The following KYAT1 variants were observed in gnomAD, a reference collection of about 807,000 sequenced individuals.
KYAT1 encodes kynurenine--oxoglutarate transaminase 1.
A neutral mutation model predicts 52.4 loss-of-function variants in KYAT1; 47 were observed. That is an observed-to-expected ratio of 0.90 (90% CI 0.71 to 1.14). The LOEUF is 1.14. KYAT1 is among the 50% of genes most tolerant of loss of function. The probability of loss-of-function intolerance (pLI) is 0.00; values close to 1 mark genes in which losing one functional copy is unlikely to be tolerated. For synonymous variants in KYAT1, 212 were observed against 209.6 expected (o/e 1.01, Z -0.10); for missense variants, 480 against 557.9 (o/e 0.86, Z 1.41).
In KYAT1 at chr9:128,872,775, A is replaced by T. The variant is rs565604623; in HGVS notation, c.-7+9122T>A. On this transcript the variant is annotated intron_variant, in intron 1 of 12. Coordinates refer to ENST00000302586, the MANE Select transcript of KYAT1 (RefSeq NM_004059.5). ...AGAGCGAGACTCCGTCTCAAAAGAAAAAAAAAGACCATGTTGGCCAGACGT... is the reference window on the plus strand; with the variant it reads ...AGAGCGAGACTCCGTCTCAAAAGAATAAAAAAGACCATGTTGGCCAGACGT... Among the ~76,000 whole-genome samples, 7 of 149,958 alleles carry T rather than the reference A, an allele frequency of 4.7e-5. No homozygotes were observed. The South Asian group carries it at 1.5e-3, about 32-fold the overall frequency.
At position 128,846,836 on chromosome 9, in the gene KYAT1, T is replaced by C. The variant is rs1482362361; in HGVS notation, c.-6-1425A>G. ...GGCTGGTGGGCCGTGGAGCTGGGGA[T>C]CCAACATTCTTCTCAGCCACCTGCT... On this transcript the variant is annotated intron_variant, in intron 1 of 12. Coordinates refer to ENST00000302586, the MANE Select transcript of KYAT1 (RefSeq NM_004059.5). The C allele has an allele frequency of 5.2e-6, 8 of 1,535,276 alleles. No homozygotes were observed. In the African/African-American group the frequency reaches 9.6e-5, roughly 18 times the overall value.
intron 1 of KYAT1, among the ~76,000 whole-genome samples, chr9:128,864,323 G>A (rs988790313): frequency 1.5e-5 from 2 of 130,956 alleles, no homozygotes; most frequent in African/African-American, 2.8e-5. Context: ...CCGAGATTGC[G>A]CCATTGCACT....
chr9:128,869,109 G>A (rs981487152), intron 1 of KYAT1, among the ~76,000 whole-genome samples: 1 of 152,038 alleles, frequency 6.6e-6, no homozygotes, highest in African/African-American at 2.4e-5. Flanking sequence ...CAAAGTGCTG[G>A]GATTACAGGT....
At chr9:128,867,695 G>T (rs978337858) in intron 1 of KYAT1, among the ~76,000 whole-genome samples, 7 of 152,220 alleles carry the variant, frequency 4.6e-5, no homozygotes, top group African/African-American at 1.7e-4. Context: ...GAATAAGATT[G>T]CTTTTAGCAG....
At chr9:128,874,198 G>A (rs1430806706) in intron 1 of KYAT1, among the ~76,000 whole-genome samples, 1 of 151,534 alleles carries the variant, frequency 6.6e-6, no homozygotes, top group African/African-American at 2.4e-5. Context: ...AGAGGTTGCA[G>A]TGAGCCGAGA....
In KYAT1 at chr9:128,838,315, C is replaced by G. The variant is rs1564453115; in HGVS notation, c.254G>C (p.Gly85Ala). The G allele has an allele frequency of 6.2e-7, 1 of 1,614,058 alleles. No homozygotes were observed. The highest frequency in any genetic ancestry group is 1.1e-5 in the South Asian group (1 of 91,086). Reference protein sequence around the residue: ...ILASFFGELLGQEIDPLRNVL... With the variant: ...ILASFFGELLAQEIDPLRNVL... ...ATTCCTGAGCGGGTCTATCTCCTGA[C>G]CCAGCAGCTCCCCAAAGAAACTTGC... The change falls in exon 4 of 13, where the codon GGT becomes GCT. Residue 85 changes from glycine (G) to alanine (A), a missense_variant. Coordinates refer to ENST00000302586, the MANE Select transcript of KYAT1 (RefSeq NM_004059.5).
intron 1 of KYAT1, among the ~76,000 whole-genome samples, chr9:128,859,777 T>C (rs1248953575): frequency 6.6e-6 from 1 of 151,888 alleles, no homozygotes; most frequent in East Asian, 2.0e-4. Context: ...GCCTCCTAAG[T>C]AGCTGGGACT....
chr9:128,844,545 C>T (rs1379913473), intron 2 of KYAT1, among the ~76,000 whole-genome samples: 2 of 151,502 alleles, frequency 1.3e-5, no homozygotes, highest in East Asian at 1.9e-4. Context: ...AAAAAATTAG[C>T]TGGGCGTGGT....
At chr9:128,871,221 A>G (rs7857519) in intron 1 of KYAT1, among the ~76,000 whole-genome samples, 95,384 of 151,860 alleles carry the variant, frequency 0.63, 31,770 homozygotes, top group Admixed American at 0.75. Flanking sequence ...GGGAAGCTGA[A>G]GTGGGAGGAT....
intron 1 of KYAT1, among the ~76,000 whole-genome samples, chr9:128,876,621 A>G (rs1336391472): frequency 5.4e-5 from 8 of 148,006 alleles, no homozygotes; most frequent in East Asian, 4.0e-4. Flanking sequence ...GGGTTTCACC[A>G]TGTTAGCCAG....
At chr9:128,880,384 C>A (rs926341959) in intron 1 of KYAT1, among the ~76,000 whole-genome samples, 8 of 152,044 alleles carry the variant, frequency 5.3e-5, no homozygotes, top group Admixed American at 6.6e-5. Context: ...TAAGCTAGAT[C>A]ATGGGCATTA....
chr9:128,861,992 G>A (rs564064334), intron 1 of KYAT1, among the ~76,000 whole-genome samples: 19 of 152,266 alleles, frequency 1.2e-4, no homozygotes, highest in Middle Eastern at 3.4e-3. Flanking sequence ...TCACCCTACC[G>A]GGACCCACTC....
intron 1 of KYAT1, among the ~76,000 whole-genome samples, chr9:128,870,861 T>C (rs1837124259): frequency 6.6e-6 from 1 of 152,034 alleles, no homozygotes; most frequent in Admixed American, 6.6e-5. Context: ...TGACATAATG[T>C]TTGTACAACA....
At position 128,859,793 on chromosome 9, in the gene KYAT1, T is replaced by G. The variant is rs1472254854; in HGVS notation, c.-6-14382A>C. On this transcript the variant is annotated intron_variant, in intron 1 of 12. Coordinates refer to ENST00000302586, the MANE Select transcript of KYAT1 (RefSeq NM_004059.5). ...CCTCCTAAGTAGCTGGGACTACAGG[T>G]GCCCGCCATCACACCCAGCTAATTT... Among the ~76,000 whole-genome samples, 4 of 151,642 alleles carry G rather than the reference T, an allele frequency of 2.6e-5. No homozygotes were observed. The East Asian group carries it at 7.9e-4, about 30-fold the overall frequency.
intron 1 of KYAT1, among the ~76,000 whole-genome samples, chr9:128,853,576 C>T (rs200535010): frequency 7.2e-5 from 11 of 152,112 alleles, no homozygotes; most frequent in Non-Finnish European, 1.3e-4. Flanking sequence ...CTGTTTAATT[C>T]GTTACAACAA....
At chr9:128,864,397 TA>T (rs1564490307) in intron 1 of KYAT1, among the ~76,000 whole-genome samples, 2 of 151,604 alleles carry the variant, frequency 1.3e-5, no homozygotes, top group Admixed American at 6.6e-5. Context: ...GTTTTTCATT[TA>T]AAAAATTTTG....
Position 128,835,527 on chromosome 9 carries a change from G to A in KYAT1, c.996C>T (p.Ile332=). The A allele has an allele frequency of 1.9e-6, 3 of 1,613,804 alleles. No homozygotes were observed. In the South Asian group the frequency reaches 3.3e-5, roughly 18 times the overall value. ...RSLQSVGLKP[I]IPQGSYFLIT... is the part of the protein sequence containing the mutation. ...TGAGGAAGTAGCTGCCCTGAGGGAT[G>A]ATGGGCTTCAGGCCCACTGACTGTA... The change falls in exon 10 of 13, where the codon ATC becomes ATT. Residue 332 remains isoleucine, a synonymous_variant. Coordinates refer to ENST00000302586, the MANE Select transcript of KYAT1 (RefSeq NM_004059.5).
chr9:128,860,001 T>A (rs1482402295), intron 1 of KYAT1: 1 of 152,112 alleles, frequency 6.6e-6, no homozygotes, highest in Non-Finnish European at 1.5e-5. Context: ...GAGGTGCCAG[T>A]AGCGTGGCTC....
rs112688910 is a variant in KYAT1, at chr9:128,865,592, C to T, written c.-7+16305G>A. Among the ~76,000 whole-genome samples, 349 of 151,358 alleles carry T rather than the reference C, an allele frequency of 2.3e-3. 1 individual carries two copies. The highest frequency in any genetic ancestry group is 8.3e-3 in the African/African-American group (342 of 41,050). On this transcript the variant is annotated intron_variant, in intron 1 of 12. Transcript: ENST00000302586. ...GTCCAGGCTGGTCTCAAACTCCTGA[C>T]GTCAGGTGATCCACCCACCTCGGCT...
Sources: allele counts gnomAD v4.1 joint callset (sites outside exome capture counted in the v4.1 genomes callset), GRCh38; gene constraint gnomAD v4.1.1; transcripts MANE v1.5; gene names NCBI Gene and HGNC (gene_info 2026-07-23, HGNC 2026-07-21).